The following DEDD2 variants were observed in gnomAD, a reference collection of about 807,000 sequenced individuals.
DEDD2 encodes death effector domain containing 2.
Under a neutral mutation model 28.9 loss-of-function variants are expected in DEDD2, and 18 were observed. That is an observed-to-expected ratio of 0.62 (90% CI 0.43 to 0.92). The LOEUF is 0.92. DEDD2 is among the 40% of genes least tolerant of loss of function. The probability of loss-of-function intolerance (pLI) is 0.00; values close to 1 mark genes in which losing one functional copy is unlikely to be tolerated. For synonymous variants in DEDD2, 211 were observed against 206.1 expected, an observed-to-expected ratio of 1.02 and a Z score of -0.20; for missense variants, 411 against 463.3, an observed-to-expected ratio of 0.89 and a Z score of 1.04.
In DEDD2 at chr19:42,199,330, G is replaced by T; in HGVS notation, c.*108C>A. The T allele has an allele frequency of 7.1e-7, 1 of 1,410,194 alleles. No individual in the cohort carries two copies. Among genetic ancestry groups the T allele is most frequent in the Non-Finnish European group, 9.3e-7 (1 of 1,076,262 alleles). 87.4% of individuals were successfully genotyped at this position (1,410,194 alleles called of 1,614,324 possible). On this transcript the variant is annotated 3_prime_UTR_variant, in exon 5 of 5. Transcript: ENST00000596251. This position sits in a 1 kb window ranked among gnomAD's most constrained non-coding sequence, Gnocchi z 7.4. ...GGCCTGCTGTCCCGGTCCTGTCGCAGTCCTCAAAGATGCTAGAGTGACAGT... is the reference window on the plus strand; with the variant it reads ...GGCCTGCTGTCCCGGTCCTGTCGCATTCCTCAAAGATGCTAGAGTGACAGT...
intron 4 of DEDD2, among the ~76,000 whole-genome samples, chr19:42,202,988 T>TA (rs2035390968): frequency 6.6e-6 from 1 of 152,216 alleles, no homozygotes; most frequent in Non-Finnish European, 1.5e-5. Flanking sequence ...GCTGGCACGG[T>TA]ACTACATACT....
chr19:42,206,643 G>C (rs2035545911), intron 4 of DEDD2, among the ~76,000 whole-genome samples: 1 of 152,154 alleles, frequency 6.6e-6, no homozygotes, highest in African/African-American at 2.4e-5. Context: ...GACCCTGAGA[G>C]GCACATGGTC....
intron 4 of DEDD2, among the ~76,000 whole-genome samples, chr19:42,208,827 C>T (rs1415605938): frequency 6.6e-6 from 1 of 152,260 alleles, no homozygotes; most frequent in African/African-American, 2.4e-5. Context: ...TGAGAACAAA[C>T]CCTCGTACAG....
intron 4 of DEDD2, among the ~76,000 whole-genome samples, chr19:42,204,258 G>T (rs2035442533): frequency 1.3e-5 from 2 of 152,190 alleles, no homozygotes; most frequent in South Asian, 2.1e-4. Flanking sequence ...TCCTAGTTGG[G>T]TGGTGATAAG....
intron 4 of DEDD2, among the ~76,000 whole-genome samples, chr19:42,206,243 C>T (rs1308787451): frequency 6.6e-6 from 1 of 152,014 alleles, no homozygotes; most frequent in African/African-American, 2.4e-5. Context: ...TAGGGGTCTC[C>T]ACCCTACTCC....
In DEDD2 at chr19:42,199,507, A is replaced by G; in HGVS notation, c.912T>C (p.Tyr304=). ...GCAACAGGCGGCGCCGGCCAGCCTC[A>G]TAGTCAGCCTCATCCACACTGACCA... is the stretch of plus-strand genomic sequence containing the variant. ...RLLVSVDEAD[Y]EAGRRRLLLM... is the part of the protein sequence containing the mutation. The change falls in exon 5 of 5, where the codon TAT becomes TAC. Residue 304 remains tyrosine, a synonymous_variant. Coordinates refer to ENST00000596251, the MANE Select transcript of DEDD2 (RefSeq NM_133328.4). This position sits in a 1 kb window ranked among gnomAD's most constrained non-coding sequence, Gnocchi z 7.4. 6.2e-7 allele frequency: 1 copy of G among 1,613,792 alleles called. No homozygotes were observed. Among genetic ancestry groups the G allele is most frequent in the Non-Finnish European group, 8.5e-7 (1 of 1,179,908 alleles).
At position 42,199,188 on chromosome 19, in the gene DEDD2, C is replaced by T; in HGVS notation, c.*250G>A. 1.8e-6 allele frequency: 1 copy of T among 560,598 alleles called. No individual in the cohort carries two copies. Among genetic ancestry groups the T allele is most frequent in the Non-Finnish European group, 3.1e-6 (1 of 322,884 alleles). 34.7% of individuals were successfully genotyped at this position (560,598 alleles called of 1,614,324 possible). ...CCTCCCTTCTGAGATACAGGCCCAG[C>T]CCCCGCCTCCGGAGGCTAAGGGGGC... On this transcript the variant is annotated 3_prime_UTR_variant, in exon 5 of 5. Coordinates refer to ENST00000596251, the MANE Select transcript of DEDD2 (RefSeq NM_133328.4). This position sits in a 1 kb window ranked among gnomAD's most constrained non-coding sequence, Gnocchi z 7.4.
At chr19:42,202,150 T>A (rs547041596) in intron 4 of DEDD2, 48 of 398,634 alleles carry the variant, frequency 1.2e-4, no homozygotes, top group African/African-American at 9.4e-4. Flanking sequence ...ATAAAATGCT[T>A]GCTTACAGCC....
chr19:42,214,814 G>C (rs2035898919), intron 3 of DEDD2, among the ~76,000 whole-genome samples: 1 of 152,084 alleles, frequency 6.6e-6, no homozygotes. Flanking sequence ...GAATAAATAA[G>C]TTAATTGGGG....
chr19:42,203,404 G>A (rs926981852), intron 4 of DEDD2, among the ~76,000 whole-genome samples: 9 of 152,192 alleles, frequency 5.9e-5, no homozygotes, highest in African/African-American at 1.9e-4. Flanking sequence ...GGCATTCTCA[G>A]GAGAGATGAG....
chr19:42,199,285 T>C lies in DEDD2; in HGVS notation c.*153A>G, dbSNP rs1250135331. 3 of 1,162,676 alleles carry C rather than the reference T, an allele frequency of 2.6e-6. No individual in the cohort carries two copies. Among genetic ancestry groups the C allele is most frequent in the East Asian group, 2.6e-5 (1 of 38,370 alleles). The allele number at this position is 1,162,676 out of a possible 1,614,324, so 72.0% of individuals were successfully genotyped here. ...GGTTTAGGCCTCAGAGCCCACATCC[T>C]GTGGGAGGGGCTGTCAAGGGGCCTG... is the stretch of plus-strand genomic sequence containing the variant. On this transcript the variant is annotated 3_prime_UTR_variant, in exon 5 of 5. Transcript: ENST00000596251. This position sits in a 1 kb window ranked among gnomAD's most constrained non-coding sequence, Gnocchi z 7.4.
intron 4 of DEDD2, among the ~76,000 whole-genome samples, chr19:42,209,213 C>G (rs1459256258): frequency 6.6e-6 from 1 of 151,930 alleles, no homozygotes; most frequent in Non-Finnish European, 1.5e-5. Context: ...TGCACTCCAG[C>G]CTGAGAGACA....
At chr19:42,201,929 C>T in intron 4 of DEDD2, 1 of 398,616 alleles carries the variant, frequency 2.5e-6, no homozygotes, top group African/African-American at 2.1e-5. Flanking sequence ...AGCACCTCTT[C>T]CAGGCCACCC....
At chr19:42,220,116 G>A (rs1414269883), upstream of DEDD2, 1 of 152,278 alleles carries the variant, frequency 6.6e-6, no homozygotes, top group East Asian at 1.9e-4. Context: ...CCGACGCTTA[G>A]CCCGGGAGCG....
intron 4 of DEDD2, among the ~76,000 whole-genome samples, chr19:42,200,799 G>C (rs34343924): frequency 9.9e-5 from 15 of 152,226 alleles, no homozygotes; most frequent in Non-Finnish European, 2.2e-4. Context: ...GTCGGTTTCT[G>C]TCACAACTCT....
chr19:42,207,813 C>G (rs2035592378), intron 4 of DEDD2, among the ~76,000 whole-genome samples: 1 of 151,960 alleles, frequency 6.6e-6, no homozygotes, highest in East Asian at 1.9e-4. Flanking sequence ...CAAGGCCCCC[C>G]ACCTGCCTCA....
intron 4 of DEDD2, among the ~76,000 whole-genome samples, chr19:42,206,131 GTCAT>G (rs1273037605): frequency 6.7e-6 from 1 of 150,222 alleles, no homozygotes; most frequent in Non-Finnish European, 1.5e-5. Flanking sequence ...AGCTGATCCT[GTCAT>G]TCAAATCCTC....
rs1203141096 is a variant in DEDD2, at chr19:42,199,429, A to C, written c.*9T>G. The C allele has an allele frequency of 6.3e-7, 1 of 1,586,944 alleles. No individual in the cohort carries two copies. The highest frequency in any genetic ancestry group is 2.3e-5 in the East Asian group (1 of 44,430). On this transcript the variant is annotated 3_prime_UTR_variant, in exon 5 of 5. Coordinates refer to ENST00000596251, the MANE Select transcript of DEDD2 (RefSeq NM_133328.4). This position sits in a 1 kb window ranked among gnomAD's most constrained non-coding sequence, Gnocchi z 7.4. ...ACTTGGAGGTGGGATCAATCCTGCC[A>C]GTCCTGGATCAGGAGGCCTCTGTCG...
At chr19:42,211,230 A>G (rs138470297) in intron 3 of DEDD2, among the ~76,000 whole-genome samples, 2 of 151,956 alleles carry the variant, frequency 1.3e-5, no homozygotes, top group African/African-American at 4.8e-5. Flanking sequence ...ATAAAATGTA[A>G]AAAAATTAGC....
Sources: allele counts gnomAD v4.1 joint callset (sites outside exome capture counted in the v4.1 genomes callset), GRCh38; gene constraint gnomAD v4.1.1; non-coding constraint Gnocchi (gnomAD v3.1); transcripts MANE v1.5; gene names NCBI Gene and HGNC (gene_info 2026-07-23, HGNC 2026-07-21).